The following PUDP variants were observed in gnomAD, a reference collection of about 807,000 sequenced individuals.
The protein encoded by PUDP is pseudouridine-5'-phosphatase.
In PUDP, 8 loss-of-function variants were observed where a neutral mutation model predicts 9.4. The observed-to-expected ratio is 0.85, with a 90% CI of 0.50 to 1.53. PUDP has a LOEUF of 1.53. Ranked by LOEUF, PUDP falls within the 40% of genes most tolerant of loss-of-function variation. PUDP has a pLI of 0.00. For synonymous variants in PUDP, 99 were observed against 80.7 expected (o/e 1.23, Z -1.22); for missense variants, 188 against 189.7 (o/e 0.99, Z 0.05).
chrX:7,050,474 T>C lies in PUDP; in HGVS notation c.511-2A>G. The C allele has an allele frequency of 2.5e-6, 3 of 1,206,591 alleles. No individual in the cohort carries two copies. The highest frequency in any genetic ancestry group is 1.8e-5 in the South Asian group (1 of 56,227). On this transcript the variant is annotated splice_acceptor_variant, in intron 3 of 3. Transcript: ENST00000381077. LOFTEE classifies it high-confidence loss of function. ...GGGAGCATCTTCAAAGACAAGGCACTGTAGGAAGAAAAAGAAAGTCGAGAT... is the reference window on the plus strand; with the variant it reads ...GGGAGCATCTTCAAAGACAAGGCACCGTAGGAAGAAAAAGAAAGTCGAGAT...
intron 1 of PUDP, among the ~76,000 whole-genome samples, chrX:7,007,406 T>C (rs1410229740): frequency 8.9e-6 from 1 of 112,352 alleles, no homozygotes; most frequent in Non-Finnish European, 1.9e-5. Context: ...TAAATATCAG[T>C]TCTATGTGGA....
At chrX:6,915,997 T>A (rs961258208) in intron 3 of PUDP, among the ~76,000 whole-genome samples, 2 of 111,088 alleles carry the variant, frequency 1.8e-5, no homozygotes, top group South Asian at 7.7e-4. Context: ...CAAGTGGCTG[T>A]TAGGGTAGGA....
intron 3 of PUDP, among the ~76,000 whole-genome samples, chrX:6,806,268 T>C (rs1339719476): frequency 8.9e-6 from 1 of 112,109 alleles, no homozygotes; most frequent in Non-Finnish European, 1.9e-5. Context: ...TCCAGCAACA[T>C]CTTCAATCCA....
In PUDP at chrX:7,143,287, T is replaced by C. The variant is rs192863737; in HGVS notation, c.61+4766A>G. Among the ~76,000 whole-genome samples the C allele has an allele frequency of 4.4e-3, 492 of 112,130 alleles. 4 individuals carry two copies. The highest frequency in any genetic ancestry group is 0.015 in the African/African-American group (475 of 30,847). On this transcript the variant is annotated intron_variant, in intron 1 of 3. Coordinates refer to ENST00000381077, the MANE Select transcript of PUDP (RefSeq NM_012080.5). The stretch of plus-strand genomic sequence containing the variant: ...AAAAACTTCATGTGACTAATTTTAT[T>C]GCGATGTTTGCTTTACTGTGATGGT...
At chrX:6,922,151 A>AT (rs1928033763) in intron 3 of PUDP, among the ~76,000 whole-genome samples, 2 of 111,255 alleles carry the variant, frequency 1.8e-5, no homozygotes, top group African/African-American at 3.3e-5. Context: ...GTTAATAGCT[A>AT]CAAAAAAATA....
chrX:6,894,344 T>C (rs936946601), intron 3 of PUDP, among the ~76,000 whole-genome samples: 1 of 112,027 alleles, frequency 8.9e-6, no homozygotes, highest in Admixed American at 9.5e-5. Flanking sequence ...TTGTCATACA[T>C]TTGGAATGGT....
intron 1 of PUDP, among the ~76,000 whole-genome samples, chrX:7,021,639 T>C (rs1204191509): frequency 1.8e-5 from 2 of 112,223 alleles, no homozygotes; most frequent in African/African-American, 6.5e-5. Context: ...CTTAGTGATT[T>C]ATTATTATGG....
chrX:7,017,542 G>T (rs1223638199), intron 1 of PUDP, among the ~76,000 whole-genome samples: 1 of 112,488 alleles, frequency 8.9e-6, no homozygotes, highest in Non-Finnish European at 1.9e-5. Flanking sequence ...AGGACTGTGG[G>T]AAGTGAGAAT....
intron 1 of PUDP, among the ~76,000 whole-genome samples, chrX:7,008,129 A>G (rs886230157): frequency 8.3e-5 from 9 of 109,073 alleles, no homozygotes; most frequent in Non-Finnish European, 1.5e-4. Flanking sequence ...ACGCGCAGCT[A>G]ATTTTTTTGT....
In PUDP at chrX:6,879,266, G is replaced by A. The variant is rs1011996188; in HGVS notation, c.*247+97867C>T. On this transcript the variant is annotated intron_variant and NMD_transcript_variant, in intron 3 of 3. Transcript: ENST00000655425. ...AAGACTTCTGCACTGCAGTGTTTTG[G>A]GTGAAATGTCCGTGAGCCATATTAC... Among the ~76,000 whole-genome samples, 3 of 111,903 alleles carry A rather than the reference G, an allele frequency of 2.7e-5. No homozygotes were observed. In the Admixed American group the frequency reaches 2.8e-4, roughly 11 times the overall value.
In PUDP at chrX:6,877,764, C is replaced by A. The variant is rs181188280; in HGVS notation, c.*247+99369G>T. On this transcript the variant is annotated intron_variant and NMD_transcript_variant, in intron 3 of 3. Coordinates refer to the PUDP transcript ENST00000655425. ...CTGAGTATTTCATGTACAGCAAAAT[C>A]TCTTGAGAAGCTTTTTAAAATAAAG... is the stretch of plus-strand genomic sequence containing the variant. Among the ~76,000 whole-genome samples, 717 of 111,692 alleles carry A rather than the reference C, an allele frequency of 6.4e-3. 5 individuals carry two copies. Among genetic ancestry groups the A allele is most frequent in the Admixed American group, 9.8e-3 (102 of 10,459 alleles).
At chrX:7,109,401 A>G (rs1469959433) in intron 1 of PUDP, among the ~76,000 whole-genome samples, 1 of 112,224 alleles carries the variant, frequency 8.9e-6, no homozygotes, top group Non-Finnish European at 1.9e-5. Context: ...GAAGGAACAG[A>G]ACAGAGGGCA....
intron 3 of PUDP, among the ~76,000 whole-genome samples, chrX:6,832,987 T>TACAC (rs200319848): frequency 1.1e-4 from 12 of 106,322 alleles, no homozygotes; most frequent in South Asian, 8.1e-4. Context: ...CTCTCTGACA[T>TACAC]ACACACACAC....
Position 6,906,406 on chromosome X carries a change from C to A in PUDP, c.*247+70727G>T, listed in dbSNP as rs764290467. 6.2e-5 allele frequency among the ~76,000 whole-genome samples: 7 copies of A among 112,371 alleles called. No individual in the cohort carries two copies. The East Asian group carries it at 2.0e-3, about 32-fold the overall frequency. The stretch of plus-strand genomic sequence containing the variant: ...GGAGATAAAGAAATGATTATGTATT[C>A]TCTCTGACCTCGCCCCCCAACCGTG... On this transcript the variant is annotated intron_variant and NMD_transcript_variant, in intron 3 of 3. Transcript: ENST00000655425.
At chrX:6,941,479 C>T (rs1364626809) in intron 3 of PUDP, among the ~76,000 whole-genome samples, 13 of 108,128 alleles carry the variant, frequency 1.2e-4, no homozygotes, top group African/African-American at 4.4e-4. Flanking sequence ...CAGGTGCACA[C>T]TACCATGCCC....
intron 3 of PUDP, among the ~76,000 whole-genome samples, chrX:6,922,771 C>T (rs1171621397): frequency 8.9e-6 from 1 of 112,090 alleles, no homozygotes; most frequent in Non-Finnish European, 1.9e-5. Flanking sequence ...TCATCTCTGC[C>T]TCTGGAAATA....
At chrX:7,069,178 C>T (rs780301648) in intron 3 of PUDP, among the ~76,000 whole-genome samples, 2 of 111,557 alleles carry the variant, frequency 1.8e-5, no homozygotes, top group East Asian at 2.8e-4. Flanking sequence ...CAGAGGGAGA[C>T]GTTGCAGAGG....
intron 3 of PUDP, among the ~76,000 whole-genome samples, chrX:6,828,457 C>T (rs916318380): frequency 9.0e-6 from 1 of 111,094 alleles, no homozygotes; most frequent in Non-Finnish European, 1.9e-5. Context: ...TCTCACCTAC[C>T]CCCAGCACCC....
chrX:6,797,150 T>C (rs985235530), intron 3 of PUDP, among the ~76,000 whole-genome samples: 2 of 112,153 alleles, frequency 1.8e-5, no homozygotes, highest in Admixed American at 9.5e-5. Flanking sequence ...CCGTAGAACA[T>C]TGAATTGCTC....
Sources: allele counts gnomAD v4.1 joint callset (sites outside exome capture counted in the v4.1 genomes callset), GRCh38; gene constraint gnomAD v4.1.1; transcripts MANE v1.5; gene names NCBI Gene and HGNC (gene_info 2026-07-23, HGNC 2026-07-21).